The following ERBB4 variants were observed in gnomAD, a reference collection of about 807,000 sequenced individuals.
ERBB4 encodes erb-b2 receptor tyrosine kinase 4.
Under a neutral mutation model 158.0 loss-of-function variants are expected in ERBB4, and 42 were observed. The ratio of observed to expected loss-of-function variants is 0.27; its 90% CI spans 0.21 to 0.34. The LOEUF (loss-of-function observed/expected upper bound fraction) is 0.34, where lower values mean the gene tolerates loss of function less well. Among genes scored for constraint, ERBB4 ranks in the 10% least tolerant of loss-of-function variants. The probability of loss-of-function intolerance (pLI) is 1.00; values close to 1 mark genes in which losing one functional copy is unlikely to be tolerated. For missense variants in ERBB4, 1,333 were observed against 1,624.1 expected (o/e 0.82, Z 3.08); for synonymous variants, 583 against 558.7 (o/e 1.04, Z -0.61).
At chr2:211,772,854 T>TACACAC (rs1440498628) in intron 4 of ERBB4, among the ~76,000 whole-genome samples, 1 of 59,712 alleles carries the variant, frequency 1.7e-5, no homozygotes, top group African/African-American at 7.5e-5. Flanking sequence ...TATATATATA[T>TACACAC]ATATATATAT....
At chr2:212,374,612 TATAAACAC>T (rs988599172) in intron 1 of ERBB4, among the ~76,000 whole-genome samples, 6 of 151,542 alleles carry the variant, frequency 4.0e-5, no homozygotes, top group African/African-American at 1.5e-4. Context: ...ATATTACAAA[TATAAACAC>T]ACACACACAC....
chr2:212,087,631 G>T (rs912152465), intron 2 of ERBB4, among the ~76,000 whole-genome samples: 2 of 151,994 alleles, frequency 1.3e-5, no homozygotes, highest in Admixed American at 6.6e-5. Flanking sequence ...CACTCTAGTG[G>T]AAAGAGTTCT....
chr2:211,991,998 A>T (rs2082084491), intron 2 of ERBB4, among the ~76,000 whole-genome samples: 1 of 152,108 alleles, frequency 6.6e-6, no homozygotes, highest in Admixed American at 6.6e-5. Context: ...TAAAAGGATA[A>T]GAGAAGTATA....
At chr2:212,304,408 A>C (rs1384106919) in intron 1 of ERBB4, among the ~76,000 whole-genome samples, 1 of 151,574 alleles carries the variant, frequency 6.6e-6, no homozygotes, top group Non-Finnish European at 1.5e-5. Context: ...GTCAACATGC[A>C]TGAGAACACG....
Position 211,376,034 on chromosome 2 carries a change from A to C in ERBB4, c.*7581T>G, listed in dbSNP as rs2062466396. 8.6e-6 allele frequency: 2 copies of C among 232,972 alleles called. No homozygotes were observed. Among genetic ancestry groups the C allele is most frequent in the South Asian group, 1.8e-4 (1 of 5,532 alleles). The allele number at this position is 232,972 out of a possible 1,614,324, so 14.4% of individuals were successfully genotyped here. ...ATGGGTAAAAGGTTGGAGGAGAAGA[A>C]AGAATAAGAGAAAGTATACTAAAAA... On this transcript the variant is annotated 3_prime_UTR_variant, in exon 28 of 28. Coordinates refer to ENST00000342788, the MANE Select transcript of ERBB4 (RefSeq NM_005235.3).
intron 3 of ERBB4, among the ~76,000 whole-genome samples, chr2:211,853,858 A>T (rs1304556054): frequency 6.6e-6 from 1 of 152,154 alleles, no homozygotes; most frequent in Non-Finnish European, 1.5e-5. Flanking sequence ...AAAGCAATAC[A>T]TTAGTTATAA....
At chr2:211,702,767 G>A (rs2073299347) in intron 11 of ERBB4, among the ~76,000 whole-genome samples, 1 of 151,984 alleles carries the variant, frequency 6.6e-6, no homozygotes, top group African/African-American at 2.4e-5. Context: ...TGGGTATCTG[G>A]GGAAAAGGTC....
At position 211,738,794 on chromosome 2, in the gene ERBB4, A is replaced by G. The variant is rs572307351; in HGVS notation, c.622+11845T>C. On this transcript the variant is annotated intron_variant, in intron 5 of 27. Coordinates refer to ENST00000342788, the MANE Select transcript of ERBB4 (RefSeq NM_005235.3). ...CGATTCTCATGCGTCAGCCTCCCAA[A>G]TAGCTGAGATTACAGGTGCTCACCA... 3.3e-5 allele frequency among the ~76,000 whole-genome samples: 5 copies of G among 150,650 alleles called. No individual in the cohort carries two copies. The East Asian group carries it at 9.9e-4, about 30-fold the overall frequency.
chr2:212,408,626 C>G (rs2091415831), intron 1 of ERBB4, among the ~76,000 whole-genome samples: 1 of 152,008 alleles, frequency 6.6e-6, no homozygotes, highest in Non-Finnish European at 1.5e-5. Flanking sequence ...TGCACTCTAG[C>G]CTGGACGATA....
chr2:211,484,825 G>A (rs2065166076), intron 20 of ERBB4, among the ~76,000 whole-genome samples: 1 of 152,128 alleles, frequency 6.6e-6, no homozygotes, highest in African/African-American at 2.4e-5. Flanking sequence ...CACAGATAAA[G>A]AACACTTAGA....
intron 19 of ERBB4, among the ~76,000 whole-genome samples, chr2:211,584,820 A>G (rs924168879): frequency 6.6e-6 from 1 of 151,932 alleles, no homozygotes; most frequent in African/African-American, 2.4e-5. Flanking sequence ...CAAAATATAT[A>G]CCATGAAATC....
intron 25 of ERBB4, among the ~76,000 whole-genome samples, chr2:211,418,906 G>GTGATAAAGTTT (rs1402638009): frequency 6.6e-6 from 1 of 152,084 alleles, no homozygotes; most frequent in African/African-American, 2.4e-5. Flanking sequence ...CATTGGGCAT[G>GTGATAAAGTTT]TGATAAAGTT....
intron 2 of ERBB4, among the ~76,000 whole-genome samples, chr2:212,019,976 A>T (rs952031409): frequency 6.6e-5 from 10 of 152,096 alleles, no homozygotes; most frequent in African/African-American, 2.2e-4. Context: ...GGTAAATTTT[A>T]TAATTATAAG....
intron 18 of ERBB4, among the ~76,000 whole-genome samples, chr2:211,621,276 T>C (rs1398805108): frequency 2.6e-5 from 4 of 152,114 alleles, no homozygotes; most frequent in Admixed American, 2.6e-4. Context: ...AATTTTACTA[T>C]CTGATACACA....
intron 1 of ERBB4, among the ~76,000 whole-genome samples, chr2:212,465,124 G>A (rs1272716731): frequency 1.3e-5 from 2 of 152,108 alleles, no homozygotes; most frequent in Non-Finnish European, 2.9e-5. Context: ...AGGAGGCTAG[G>A]AAATAAGATA....
At chr2:211,941,024 T>C (rs2080479276) in intron 3 of ERBB4, among the ~76,000 whole-genome samples, 1 of 152,112 alleles carries the variant, frequency 6.6e-6, no homozygotes, top group East Asian at 1.9e-4. Flanking sequence ...ATTATTGGAG[T>C]TCTCCTTTTT....
chr2:212,258,594 T>A (rs906875722), intron 1 of ERBB4, among the ~76,000 whole-genome samples: 9 of 148,540 alleles, frequency 6.1e-5, no homozygotes, highest in Non-Finnish European at 1.2e-4. Context: ...CTTGCCAATT[T>A]CTCTTTAAAA....
intron 3 of ERBB4, among the ~76,000 whole-genome samples, chr2:211,815,613 G>A (rs1415162441): frequency 2.0e-5 from 3 of 152,118 alleles, no homozygotes; most frequent in Non-Finnish European, 4.4e-5. Context: ...CTAAATTTTT[G>A]TTTATGGTGT....
chr2:211,687,263 C>G (rs1176808841), intron 12 of ERBB4, among the ~76,000 whole-genome samples: 2 of 147,534 alleles, frequency 1.4e-5, no homozygotes, highest in African/African-American at 5.0e-5. Flanking sequence ...CGAGATCGCA[C>G]CACTGCACTC....
Sources: gnomAD v4.1 joint callset for allele counts (sites outside exome capture counted in the v4.1 genomes callset) on GRCh38, gnomAD v4.1.1 for gene constraint, MANE v1.5 for transcripts, NCBI Gene and HGNC (gene_info 2026-07-23, HGNC 2026-07-21) for gene names.